Variants in CCDC60 observed in about 807,000 individuals in gnomAD.
The protein encoded by CCDC60 is coiled-coil domain-containing protein 60.
Under a neutral mutation model 63.5 loss-of-function variants are expected in CCDC60, and 54 were observed. The observed-to-expected ratio is 0.85, with a 90% CI of 0.68 to 1.07. The LOEUF (loss-of-function observed/expected upper bound fraction) is 1.07, where lower values mean the gene tolerates loss of function less well. Ranked by LOEUF, CCDC60 falls within the 50% of genes least tolerant of loss-of-function variation. The pLI is 0.00. For missense variants in CCDC60, 651 were observed against 684.3 expected, an observed-to-expected ratio of 0.95 and a Z score of 0.54; for synonymous variants, 206 against 238.8, an observed-to-expected ratio of 0.86 and a Z score of 1.27.
chr12:119,398,534 ACCAAGGCCGAGGAGGCG>A (rs1956328099), intron 1 of CCDC60, among the ~76,000 whole-genome samples: 1 of 152,214 alleles, frequency 6.6e-6, no homozygotes, highest in Admixed American at 6.5e-5. Flanking sequence ...CAGAGTAGGC[ACCAAGGCCGAGGAGGCG>A]CCAAGAGTGA....
intron 13 of CCDC60, among the ~76,000 whole-genome samples, chr12:119,535,045 C>G (rs1466268391): frequency 6.6e-6 from 1 of 152,070 alleles, no homozygotes; most frequent in Admixed American, 6.5e-5. Flanking sequence ...TCCGTATGGT[C>G]CTGGACTTTT....
chr12:119,464,077 C>T (rs1950908107), intron 2 of CCDC60, among the ~76,000 whole-genome samples: 1 of 142,088 alleles, frequency 7.0e-6, no homozygotes, highest in South Asian at 2.2e-4. Flanking sequence ...CTGCGCCTGG[C>T]CCAGAGATTT....
chr12:119,418,312 A>G (rs1690946444), intron 1 of CCDC60, among the ~76,000 whole-genome samples: 1 of 151,336 alleles, frequency 6.6e-6, no homozygotes, highest in Admixed American at 6.6e-5. Flanking sequence ...TCATAGTCAC[A>G]ATACAGTTAA....
chr12:119,367,473 T>G (rs1031059044), intron 1 of CCDC60, among the ~76,000 whole-genome samples: 1 of 152,230 alleles, frequency 6.6e-6, no homozygotes, highest in Non-Finnish European at 1.5e-5. Context: ...TTATGGGATC[T>G]TCACATATTT....
chr12:119,489,036 T>C (rs993598451), intron 5 of CCDC60, among the ~76,000 whole-genome samples, 170 bp downstream of exon 5: 6 of 152,240 alleles, frequency 3.9e-5, no homozygotes, highest in Non-Finnish European at 7.3e-5. Flanking sequence ...AGACAGCTTA[T>C]GCAGATTCGT....
At chr12:119,488,117 G>A (rs1011696792) in intron 4 of CCDC60, among the ~76,000 whole-genome samples, 9 of 152,180 alleles carry the variant, frequency 5.9e-5, no homozygotes, top group South Asian at 2.1e-4. Context: ...TTCCCAGCCT[G>A]AGACATATTT....
At chr12:119,524,721 C>CTTTTTTTTTTGTTTTTTT (rs1952636508) in intron 11 of CCDC60, among the ~76,000 whole-genome samples, 1 of 99,050 alleles carries the variant, frequency 1.0e-5, no homozygotes, top group Non-Finnish European at 1.9e-5. Context: ...CTTTTCTTTT[C>CTTTTTTTTTTGTTTTTTT]TTTTTTTTTT....
intron 1 of CCDC60, among the ~76,000 whole-genome samples, chr12:119,400,714 G>A (rs981784622): frequency 5.3e-5 from 8 of 152,236 alleles, no homozygotes; most frequent in East Asian, 1.9e-4. Context: ...ATTTGCAGGC[G>A]TAATAAGCTC....
intron 12 of CCDC60, 28 bp downstream of exon 12, chr12:119,528,774 G>C: frequency 1.2e-6 from 2 of 1,605,920 alleles, no homozygotes; most frequent in Non-Finnish European, 8.5e-7. Flanking sequence ...CAGATAAGAT[G>C]GTCCCTGGAA....
chr12:119,346,741 GA>G (rs139316210), intron 1 of CCDC60, among the ~76,000 whole-genome samples: 32,950 of 151,084 alleles, frequency 0.22, 4,483 homozygotes, highest in Middle Eastern at 0.34. Context: ...AGAAGAGGGA[GA>G]AAAAACCTGC....
intron 2 of CCDC60, among the ~76,000 whole-genome samples, chr12:119,445,758 A>G (rs1448049909): frequency 6.6e-6 from 1 of 152,152 alleles, no homozygotes; most frequent in African/African-American, 2.4e-5. Context: ...ACTCAGCCAT[A>G]AAAAGGAATG....
intron 2 of CCDC60, among the ~76,000 whole-genome samples, chr12:119,459,961 T>C (rs977226598): frequency 6.6e-6 from 1 of 152,234 alleles, no homozygotes; most frequent in South Asian, 2.1e-4. Context: ...GCTATCTCAG[T>C]AAAGTGGCTT....
At chr12:119,395,541 C>T (rs1430524398) in intron 1 of CCDC60, among the ~76,000 whole-genome samples, 1 of 152,188 alleles carries the variant, frequency 6.6e-6, no homozygotes, top group East Asian at 1.9e-4. Context: ...AGGGGAAATC[C>T]ACCCTCATGA....
intron 2 of CCDC60, among the ~76,000 whole-genome samples, chr12:119,459,368 T>C (rs1439359840): frequency 2.0e-5 from 3 of 152,212 alleles, no homozygotes; most frequent in Non-Finnish European, 4.4e-5. Flanking sequence ...AAATCTGACA[T>C]AGGAAAATTA....
intron 2 of CCDC60, among the ~76,000 whole-genome samples, chr12:119,450,945 G>A (rs552163254): frequency 2.2e-4 from 34 of 152,296 alleles, no homozygotes; most frequent in Non-Finnish European, 4.6e-4. Context: ...TCTGGAAAGG[G>A]TGTGTACTAT....
intron 2 of CCDC60, among the ~76,000 whole-genome samples, chr12:119,443,949 T>C (rs1950492648): frequency 6.6e-6 from 1 of 152,176 alleles, no homozygotes; most frequent in African/African-American, 2.4e-5. Flanking sequence ...ATGACATAAG[T>C]GTTACACACA....
chr12:119,458,630 T>C (rs1040620923), intron 2 of CCDC60, among the ~76,000 whole-genome samples: 18 of 152,348 alleles, frequency 1.2e-4, no homozygotes, highest in Admixed American at 9.1e-4. Flanking sequence ...TGTTCAATCC[T>C]AGTTTTCTTT....
chr12:119,510,598 C>G (rs974236844), intron 7 of CCDC60, among the ~76,000 whole-genome samples: 11 of 151,980 alleles, frequency 7.2e-5, no homozygotes, highest in African/African-American at 2.7e-4. Flanking sequence ...AAAGCAGTGG[C>G]TTAAAAAAAG....
intron 4 of CCDC60, among the ~76,000 whole-genome samples, chr12:119,487,964 C>T (rs542165597): frequency 5.3e-5 from 8 of 152,130 alleles, no homozygotes; most frequent in Non-Finnish European, 1.0e-4. Flanking sequence ...ACCCCAGCCT[C>T]CCAAGTAGCA....
Sources: gnomAD v4.1 joint callset for allele counts (sites outside exome capture counted in the v4.1 genomes callset) on GRCh38, gnomAD v4.1.1 for gene constraint, MANE v1.5 for transcripts, NCBI Gene and HGNC (gene_info 2026-07-23, HGNC 2026-07-21) for gene names.